ULK1: variants seen among roughly 807,000 people sequenced by gnomAD.
The protein encoded by ULK1 is unc-51 like autophagy activating kinase 1.
In ULK1, 48 loss-of-function variants were observed where a neutral mutation model predicts 117.5. The ratio of observed to expected loss-of-function variants is 0.41; its 90% CI spans 0.32 to 0.52. The LOEUF (loss-of-function observed/expected upper bound fraction) is 0.52, where lower values mean the gene tolerates loss of function less well. Ranked by LOEUF, ULK1 falls within the 20% of genes least tolerant of loss-of-function variation. The pLI, the probability that ULK1 is intolerant of heterozygous loss-of-function variation, is 0.29. For missense variants in ULK1, 1,387 were observed against 1,473.4 expected (o/e 0.94, Z 0.96); for synonymous variants, 790 against 637.8 (o/e 1.24, Z -3.60).
At chr12:131,910,624 G>A in intron 11 of ULK1, 88 bp from the exon 12 acceptor site, 1 of 1,611,410 alleles carries the variant, frequency 6.2e-7, no homozygotes, top group Non-Finnish European at 8.5e-7. Context: ...GAGGGGATAT[G>A]GTTGAGCTTG....
At chr12:131,906,439 G>A (rs1420669383) in intron 3 of ULK1, 1 of 167,770 alleles carries the variant, frequency 6.0e-6, no homozygotes, top group Admixed American at 6.0e-5. Flanking sequence ...GGCCAGGCAG[G>A]TCTCAAACTG....
Position 131,917,160 on chromosome 12 carries a change from TG to T in ULK1, c.2182+102del, listed in dbSNP as rs1889856262. 5.6e-5 allele frequency: 6 copies of T among 107,532 alleles called. 1 individual carries two copies. The African/African-American group carries it at 9.7e-4, about 17-fold the overall frequency. 6.7% of individuals were successfully genotyped at this position (107,532 alleles called of 1,614,324 possible). ...GGGATGGGGGTCGGAGGCTGTGGGATGGGGCTCGAGGCTGTGGGATGGGGGT... is the reference window on the plus strand; with the variant it reads ...GGGATGGGGGTCGGAGGCTGTGGGATGGGCTCGAGGCTGTGGGATGGGGGT... On this transcript the variant is annotated intron_variant, in intron 21 of 27. Transcript: ENST00000321867.
At chr12:131,906,953 G>A (rs1889300862) in intron 4 of ULK1, 29 bp downstream of exon 4, 10 of 1,613,984 alleles carry the variant, frequency 6.2e-6, no homozygotes, top group African/African-American at 1.3e-5. Flanking sequence ...CAGGACAAGT[G>A]CAGGCTGATG....
chr12:131,902,739 C>T lies in ULK1; in HGVS notation c.247-4153C>T, dbSNP rs1889134853. On this transcript the variant is annotated intron_variant, in intron 3 of 27. Transcript: ENST00000321867. The surrounding 1 kb of genome is among the most constrained non-coding windows in gnomAD (Gnocchi z 6.3). Reference sequence around the variant, plus strand: ...CTGGTGTGTTTGATTAGGGCATGGGCGGTGTGGCCACAACTGTGTGTGTCA... The same window carrying T: ...CTGGTGTGTTTGATTAGGGCATGGGTGGTGTGGCCACAACTGTGTGTGTCA... Among the ~76,000 whole-genome samples, 1 of 152,010 alleles carries T rather than the reference C, an allele frequency of 6.6e-6. No homozygotes were observed. The highest frequency in any genetic ancestry group is 2.1e-4 in the South Asian group (1 of 4,816).
At chr12:131,920,808 G>A (rs1031450303) in intron 26 of ULK1, 12 of 400,748 alleles carry the variant, frequency 3.0e-5, no homozygotes, top group Non-Finnish European at 4.0e-5. Context: ...CCCCCTTCCC[G>A]CCCAGGCAGG....
chr12:131,904,371 C>T (rs1044354828), intron 3 of ULK1, among the ~76,000 whole-genome samples: 1 of 152,214 alleles, frequency 6.6e-6, no homozygotes, highest in African/African-American at 2.4e-5. Flanking sequence ...TGGTCTCAAA[C>T]TCCTGGGCTC....
chr12:131,906,694 A>G, intron 3 of ULK1, 198 bp from the exon 4 acceptor site: 5 of 648,594 alleles, frequency 7.7e-6, no homozygotes, highest in Non-Finnish European at 2.7e-6. Flanking sequence ...TCAGATGGAG[A>G]CCTGGCTGGC....
At chr12:131,915,449 G>A in intron 18 of ULK1, 28 bp downstream of exon 18, 3 of 1,607,812 alleles carry the variant, frequency 1.9e-6, no homozygotes, top group Middle Eastern at 3.5e-4. Context: ...GGGGGAGGGG[G>A]TGCTAGGCTG....
At position 131,909,878 on chromosome 12, in the gene ULK1, GC is replaced by G. The variant is rs554752888; in HGVS notation, c.726-37del. ...CCCTTCCCTTCCCCCGCGGGCTCCG[GC>G]CCCGCAGGCCCTGCTCACACCAGCC... On this transcript the variant is annotated intron_variant, in intron 9 of 27. Coordinates refer to ENST00000321867, the MANE Select transcript of ULK1 (RefSeq NM_003565.4). The G allele has an allele frequency of 5.9e-4, 952 of 1,610,012 alleles. 3 individuals are homozygous for G. The African/African-American group carries it at 0.011, about 18-fold the overall frequency.
At chr12:131,918,725 T>TGTGTGGGGTGTGTGGG in intron 23 of ULK1, 44 bp downstream of exon 23, 2 of 791,978 alleles carry the variant, frequency 2.5e-6, no homozygotes, top group Non-Finnish European at 3.2e-6. Context: ...GGCTGGAGGG[T>TGTGTGGGGTGTGTGGG]GTGTGGGGTG....
chr12:131,911,823 T>C (rs893093626), intron 12 of ULK1, 119 bp from the exon 13 acceptor site: 19 of 1,418,878 alleles, frequency 1.3e-5, no homozygotes, highest in Non-Finnish European at 1.7e-5. Context: ...GCCCAGCCCT[T>C]CTCAGCCCCA....
intron 24 of ULK1, 24 bp from the exon 25 acceptor site, chr12:131,919,448 C>T (rs1320264577): frequency 6.2e-7 from 1 of 1,604,350 alleles, no homozygotes; most frequent in Non-Finnish European, 8.5e-7. Context: ...AACCGGCCTC[C>T]TCTGATCTGC....
intron 3 of ULK1, among the ~76,000 whole-genome samples, chr12:131,904,819 T>C (rs912447723): frequency 5.3e-5 from 8 of 151,958 alleles, no homozygotes; most frequent in African/African-American, 1.9e-4. Context: ...AGGGTAATGG[T>C]GGGCCCAGGT....
Position 131,921,813 on chromosome 12 carries a change from A to C in ULK1, c.*452A>C, listed in dbSNP as rs1335537421. On this transcript the variant is annotated 3_prime_UTR_variant, in exon 28 of 28. Coordinates refer to ENST00000321867, the MANE Select transcript of ULK1 (RefSeq NM_003565.4). ...AGGAGCCTCTCCCTCCGAGATACCC[A>C]CCCAGCTTTGTCAATCACCCAAGCA... 16 of 483,434 alleles carry C rather than the reference A, an allele frequency of 3.3e-5. No individual in the cohort carries two copies. Among genetic ancestry groups the C allele is most frequent in the Non-Finnish European group, 6.1e-5 (15 of 245,406 alleles). The allele number at this position is 483,434 out of a possible 1,614,324, so 29.9% of individuals were successfully genotyped here. A position where few individuals can be genotyped will look rare whatever the true frequency, so the allele number is the denominator to read the frequency against.
chr12:131,916,977 T>C lies in ULK1; in HGVS notation c.2097T>C (p.Thr699=), dbSNP rs751954937. 1 of 1,609,586 alleles carries C rather than the reference T, an allele frequency of 6.2e-7. No individual in the cohort carries two copies. Among genetic ancestry groups the C allele is most frequent in the Non-Finnish European group, 8.5e-7 (1 of 1,178,834 alleles). The part of the protein sequence containing the change: ...FGRSFSTSRL[T]DLLLKAAFGT... ...GGTCTTTCAGCACCAGCCGCCTCAC[T>C]GACCTGCTCCTTAAGGCGGCGTTTG... is the stretch of plus-strand genomic sequence containing the variant. The change falls in exon 21 of 28, where the codon ACT becomes ACC. Residue 699 remains threonine (T), a synonymous_variant. Transcript: ENST00000321867.
intron 8 of ULK1, 106 bp from the exon 9 acceptor site, chr12:131,909,668 TC>T: frequency 8.2e-7 from 1 of 1,214,812 alleles, no homozygotes; most frequent in Non-Finnish European, 1.1e-6. Context: ...CCCCCGGGCT[TC>T]GCAGCGTCTG....
chr12:131,916,238 C>G (rs116459363), intron 19 of ULK1, 79 bp downstream of exon 19: 2 of 1,554,352 alleles, frequency 1.3e-6, no homozygotes, highest in Non-Finnish European at 1.7e-6. Flanking sequence ...GAACAAAGAC[C>G]GAGGAAGGCA....
intron 25 of ULK1, 85 bp downstream of exon 25, chr12:131,919,675 G>A: frequency 6.9e-7 from 1 of 1,459,368 alleles, no homozygotes; most frequent in Non-Finnish European, 9.4e-7. Context: ...GTAACAGGGA[G>A]GCTGCTTGAG....
intron 13 of ULK1, among the ~76,000 whole-genome samples, chr12:131,912,733 G>A (rs1462003902): frequency 2.6e-5 from 4 of 152,214 alleles, no homozygotes; most frequent in South Asian, 2.1e-4. Flanking sequence ...AGACAGACCC[G>A]GGGAGGGCCT....
Sources: allele counts gnomAD v4.1 joint callset (sites outside exome capture counted in the v4.1 genomes callset), GRCh38; gene constraint gnomAD v4.1.1; non-coding constraint Gnocchi (gnomAD v3.1); transcripts MANE v1.5; gene names NCBI Gene and HGNC (gene_info 2026-07-23, HGNC 2026-07-21).